The following CD28 variants were observed in gnomAD, a reference collection of about 807,000 sequenced individuals.
CD28 encodes the protein T-cell-specific surface glycoprotein CD28.
Under a neutral mutation model 21.4 loss-of-function variants are expected in CD28, and 8 were observed. The ratio of observed to expected loss-of-function variants is 0.37; its 90% CI spans 0.22 to 0.68. CD28 has a LOEUF of 0.68. Among genes scored for constraint, CD28 ranks in the 30% least tolerant of loss-of-function variants. The probability of loss-of-function intolerance (pLI) is 0.55; values close to 1 mark genes in which losing one functional copy is unlikely to be tolerated. For synonymous variants in CD28, 106 were observed against 104.0 expected, an observed-to-expected ratio of 1.02 and a Z score of -0.12; for missense variants, 239 against 272.2, an observed-to-expected ratio of 0.88 and a Z score of 0.86.
intron 1 of CD28, among the ~76,000 whole-genome samples, chr2:203,711,696 T>C (rs887252115): frequency 6.6e-6 from 1 of 152,188 alleles, no homozygotes; most frequent in Non-Finnish European, 1.5e-5. Context: ...AATCACCTCA[T>C]TGGCTCACAA....
chr2:203,724,242 G>A (rs930043877), intron 1 of CD28, among the ~76,000 whole-genome samples: 6 of 152,290 alleles, frequency 3.9e-5, no homozygotes, highest in Middle Eastern at 3.4e-3. Context: ...AGGAAGCAGG[G>A]TGATGGTAAA....
chr2:203,738,729 C>T lies in CD28; in HGVS notation c.*3817C>T, dbSNP rs1694113189. On this transcript the variant is annotated 3_prime_UTR_variant, in exon 4 of 4. Coordinates refer to ENST00000324106, the MANE Select transcript of CD28 (RefSeq NM_006139.4). ...TCTCCCCTAGTTAAACTACCCCACACCCTGTCTGCTTTCCTTGCTTATTTT... is the reference window on the plus strand; with the variant it reads ...TCTCCCCTAGTTAAACTACCCCACATCCTGTCTGCTTTCCTTGCTTATTTT... 1 of 152,188 alleles carries T rather than the reference C, an allele frequency of 6.6e-6. No individual in the cohort carries two copies. The highest frequency in any genetic ancestry group is 1.5e-5 in the Non-Finnish European group (1 of 68,038). 9.4% of individuals were successfully genotyped at this position (152,188 alleles called of 1,614,324 possible). A position where few individuals can be genotyped will look rare whatever the true frequency, so the allele number is the denominator to read the frequency against.
intron 1 of CD28, among the ~76,000 whole-genome samples, chr2:203,712,625 C>A (rs996624366): frequency 1.3e-5 from 2 of 152,084 alleles, no homozygotes; most frequent in Non-Finnish European, 2.9e-5. Context: ...GTATTAGGCA[C>A]AATGCTGTAA....
At position 203,736,730 on chromosome 2, in the gene CD28, T is replaced by C. The variant is rs1205059031; in HGVS notation, c.*1818T>C. ...GACTTGGTTCAAGTCTCGTTAGTAGTTGAATAGCCTCAGGCAAGTCACTGC... is the reference window on the plus strand; with the variant it reads ...GACTTGGTTCAAGTCTCGTTAGTAGCTGAATAGCCTCAGGCAAGTCACTGC... On this transcript the variant is annotated 3_prime_UTR_variant, in exon 4 of 4. Coordinates refer to ENST00000324106, the MANE Select transcript of CD28 (RefSeq NM_006139.4). 4 of 152,208 alleles carry C rather than the reference T, an allele frequency of 2.6e-5. No homozygotes were observed. Among genetic ancestry groups the C allele is most frequent in the Non-Finnish European group, 5.9e-5 (4 of 68,042 alleles). 9.4% of individuals were successfully genotyped at this position (152,208 alleles called of 1,614,324 possible). A position where few individuals can be genotyped will look rare whatever the true frequency, so the allele number is the denominator to read the frequency against.
intron 1 of CD28, among the ~76,000 whole-genome samples, chr2:203,716,063 A>G (rs1348343351): frequency 2.6e-5 from 4 of 152,180 alleles, no homozygotes; most frequent in Non-Finnish European, 4.4e-5. Flanking sequence ...TTCTCAACTC[A>G]GACATCTTCA....
At chr2:203,707,598 C>T (rs908937121) in intron 1 of CD28, among the ~76,000 whole-genome samples, 1 of 152,090 alleles carries the variant, frequency 6.6e-6, no homozygotes, top group African/African-American at 2.4e-5. Flanking sequence ...TTCCCAATGA[C>T]GATGATGAGG....
chr2:203,726,625 TCCCCCA>T lies in CD28; in HGVS notation c.53-7_53-2del. 2.5e-6 allele frequency: 4 copies of T among 1,587,344 alleles called. No individual in the cohort carries two copies. Among genetic ancestry groups the T allele is most frequent in the African/African-American group, 2.7e-5 (2 of 73,546 alleles). ...TTGTTCTAAGCAAATGATTTTTTTT[TCCCCCA>T]GGAAACAAGATTTTGGTGAAGCAGT... On this transcript the variant is annotated splice_acceptor_variant and splice_polypyrimidine_tract_variant and intron_variant, in intron 1 of 3. Coordinates refer to ENST00000324106, the MANE Select transcript of CD28 (RefSeq NM_006139.4). LOFTEE classifies it high-confidence loss of function.
Position 203,732,455 on chromosome 2 carries a change from A to G in CD28, c.535-2329A>G, listed in dbSNP as rs370192088. Among the ~76,000 whole-genome samples the G allele has an allele frequency of 2.6e-5, 4 of 152,340 alleles. No homozygotes were observed. The South Asian group carries it at 6.2e-4, about 24-fold the overall frequency. On this transcript the variant is annotated intron_variant, in intron 3 of 3. Coordinates refer to ENST00000324106, the MANE Select transcript of CD28 (RefSeq NM_006139.4). ...TAAAAAACATTATGTTCCCCACTGC[A>G]GATCATAATGTGAGGAATGTAGATA... is the stretch of plus-strand genomic sequence containing the variant.
Position 203,729,746 on chromosome 2 carries a change from G to C in CD28, c.508G>C (p.Val170Leu). ...GGVLACYSLL[V>L]TVAFIIFWVR... ...AGTCCTGGCTTGCTATAGCTTGCTA[G>C]TAACAGTGGCCTTTATTATTTTCTG... Residue 170 changes from valine (V) to leucine (L), a missense_variant, in exon 3 of 4, where the codon GTA (valine) becomes CTA (leucine). By Grantham distance (32) the Val-to-Leu change is conservative. Coordinates refer to ENST00000324106, the MANE Select transcript of CD28 (RefSeq NM_006139.4). 6.2e-7 allele frequency: 1 copy of C among 1,614,038 alleles called. No individual in the cohort carries two copies. The highest frequency in any genetic ancestry group is 8.5e-7 in the Non-Finnish European group (1 of 1,179,952).
intron 1 of CD28, among the ~76,000 whole-genome samples, chr2:203,725,282 C>T (rs1220647100): frequency 1.5e-5 from 2 of 136,678 alleles, no homozygotes; most frequent in East Asian, 4.3e-4. Context: ...AAGAGCGAAA[C>T]TCCGTCTCCA....
rs1322489628 is a variant in CD28 at position 203,727,132 on chromosome 2, A to T, written c.409+143A>T. 5 of 624,622 alleles carry T rather than the reference A, an allele frequency of 8.0e-6. No homozygotes were observed. In the East Asian group the frequency reaches 1.4e-4, roughly 17 times the overall value. 38.7% of individuals were successfully genotyped at this position (624,622 alleles called of 1,614,324 possible). The stretch of plus-strand genomic sequence containing the variant: ...AAAGACAAATAATGTTTTCAGAAAA[A>T]TTTTTCCCTTTACTGTAGAGGAGAT... On this transcript the variant is annotated intron_variant, in intron 2 of 3. Transcript: ENST00000324106.
At chr2:203,716,206 T>C (rs999896055) in intron 1 of CD28, among the ~76,000 whole-genome samples, 3 of 152,206 alleles carry the variant, frequency 2.0e-5, no homozygotes, top group Middle Eastern at 3.2e-3. Flanking sequence ...ACTCTCACAC[T>C]AAGGTCATTT....
chr2:203,730,512 A>C lies in CD28; in HGVS notation c.534+740A>C, dbSNP rs1047791350. On this transcript the variant is annotated intron_variant, in intron 3 of 3. Transcript: ENST00000324106. ...CCCTGAGTGACCCTTGTTCTTACTC[A>C]GAAACTTCTTAGGTACATAGTATGG... Among the ~76,000 whole-genome samples the C allele has an allele frequency of 3.9e-5, 6 of 152,352 alleles. No homozygotes were observed. The South Asian group carries it at 1.2e-3, about 32-fold the overall frequency.
chr2:203,735,707 T>A lies in CD28; in HGVS notation c.*795T>A, dbSNP rs1018921466. 1 of 152,238 alleles carries A rather than the reference T, an allele frequency of 6.6e-6. No homozygotes were observed. Among genetic ancestry groups the A allele is most frequent in the Non-Finnish European group, 1.5e-5 (1 of 68,050 alleles). 9.4% of individuals were successfully genotyped at this position (152,238 alleles called of 1,614,324 possible). A position where few individuals can be genotyped will look rare whatever the true frequency, so the allele number is the denominator to read the frequency against. ...AATATGTCAGGAAATAAGGTCACTT[T>A]ATGTCAAAATTATTTGAGTACTATG... On this transcript the variant is annotated 3_prime_UTR_variant, in exon 4 of 4. Transcript: ENST00000324106.
chr2:203,712,433 T>C (rs1303581157), intron 1 of CD28, among the ~76,000 whole-genome samples: 1 of 152,146 alleles, frequency 6.6e-6, no homozygotes, highest in African/African-American at 2.4e-5. Context: ...TAATCTGAAA[T>C]GTCCTCTACA....
At chr2:203,724,891 G>GC (rs1437420782) in intron 1 of CD28, among the ~76,000 whole-genome samples, 1 of 152,122 alleles carries the variant, frequency 6.6e-6, no homozygotes, top group East Asian at 1.9e-4. Context: ...TAAAAGAAAT[G>GC]CAAGTAGGTA....
At chr2:203,706,501 C>A, upstream of CD28, 1 of 1,519,726 alleles carries the variant, frequency 6.6e-7, no homozygotes, top group Non-Finnish European at 8.9e-7. Flanking sequence ...ACGTTATATC[C>A]TGTGTGAAAT....
rs771698017 is a variant in CD28, at chr2:203,726,662, A to G, written c.82A>G (p.Met28Val). 3.1e-6 allele frequency: 5 copies of G among 1,611,602 alleles called. No homozygotes were observed. Among genetic ancestry groups the G allele is most frequent in the African/African-American group, 1.3e-5 (1 of 74,854 alleles). ...CAAGATTTTGGTGAAGCAGTCGCCC[A>G]TGCTTGTAGCGTACGACAATGCGGT... ...GNKILVKQSP[M>V]LVAYDNAVNL... The change falls in exon 2 of 4, where the codon ATG (methionine) becomes GTG (valine). Residue 28 changes from methionine (M) to valine (V), a missense_variant. By Grantham distance (21) the Met-to-Val change is conservative (BLOSUM62 1). Coordinates refer to ENST00000324106, the MANE Select transcript of CD28 (RefSeq NM_006139.4).
intron 1 of CD28, among the ~76,000 whole-genome samples, chr2:203,723,304 T>G (rs558147726): frequency 6.6e-6 from 1 of 151,916 alleles, no homozygotes; most frequent in Non-Finnish European, 1.5e-5. Flanking sequence ...CTGGCCCACA[T>G]GGAGAAACCC....
Sources: allele counts gnomAD v4.1 joint callset (sites outside exome capture counted in the v4.1 genomes callset), GRCh38; gene constraint gnomAD v4.1.1; transcripts MANE v1.5; gene names NCBI Gene and HGNC (gene_info 2026-07-23, HGNC 2026-07-21).